ZNF565: variants seen among roughly 807,000 people sequenced by gnomAD.
ZNF565 encodes zinc finger protein 565.
ZNF565 carries 27 observed loss-of-function variants against 39.4 expected under a neutral mutation model. The observed-to-expected ratio is 0.69, with a 90% CI of 0.51 to 0.95. The LOEUF (loss-of-function observed/expected upper bound fraction) is 0.95. Among genes scored for constraint, ZNF565 ranks in the 40% least tolerant of loss-of-function variants. The pLI, the probability that ZNF565 is intolerant of heterozygous loss-of-function variation, is 0.00. For synonymous variants in ZNF565, 185 were observed against 216.6 expected, an observed-to-expected ratio of 0.85 and a Z score of 1.28; for missense variants, 524 against 621.1, an observed-to-expected ratio of 0.84 and a Z score of 1.66.
intron 2 of ZNF565, among the ~76,000 whole-genome samples, chr19:36,196,383 T>C (rs903462223): frequency 3.3e-5 from 5 of 152,030 alleles, no homozygotes; most frequent in African/African-American, 9.7e-5. Context: ...GCCAAGGACA[T>C]TGGAGGAGAT....
intron 1 of ZNF565, chr19:36,237,266 G>T: frequency 6.2e-7 from 1 of 1,613,916 alleles, no homozygotes; most frequent in East Asian, 2.2e-5. Flanking sequence ...ATGTGGGAAA[G>T]CTTTCAGCCA....
At chr19:36,215,063 G>T (rs768390437), upstream of ZNF565, 1 of 152,368 alleles carries the variant, frequency 6.6e-6, no homozygotes, top group Non-Finnish European at 1.5e-5. Flanking sequence ...TGACCGAGGC[G>T]GGCCGCGTCG....
chr19:36,240,763 G>A (rs1217228727), intron 1 of ZNF565, among the ~76,000 whole-genome samples: 1 of 152,094 alleles, frequency 6.6e-6, no homozygotes, highest in Non-Finnish European at 1.5e-5. Context: ...CAGCTACTTG[G>A]GAGGCTGAGG....
At position 36,182,304 on chromosome 19, in the gene ZNF565, A is replaced by G; in HGVS notation, c.*162T>C. The G allele has an allele frequency of 1.9e-6, 1 of 523,500 alleles. No homozygotes were observed. The highest frequency in any genetic ancestry group is 3.1e-5 in the East Asian group (1 of 32,574). The allele number at this position is 523,500 out of a possible 1,614,324, so 32.4% of individuals were successfully genotyped here. ...AGTGAGTGAGGCAAAAAGAATTCCC[A>G]CATTTATTTAATTTTCTTTGGGTGT... is the stretch of plus-strand genomic sequence containing the variant. On this transcript the variant is annotated 3_prime_UTR_variant, in exon 5 of 5. Transcript: ENST00000304116.
intron 1 of ZNF565, among the ~76,000 whole-genome samples, chr19:36,231,597 T>C (rs1977373816): frequency 6.6e-6 from 1 of 152,220 alleles, no homozygotes; most frequent in African/African-American, 2.4e-5. Context: ...TTTACCTGTT[T>C]ATGGGACAGA....
chr19:36,236,340 G>A (rs1456195552), intron 1 of ZNF565: 8 of 1,375,110 alleles, frequency 5.8e-6, no homozygotes, highest in South Asian at 1.5e-5. Flanking sequence ...CCTTATAAAT[G>A]TAAGAGATGT....
chr19:36,220,337 TCTTAGCTCCTAG>T (rs1568429066), intron 1 of ZNF565, among the ~76,000 whole-genome samples: 1 of 115,296 alleles, frequency 8.7e-6, no homozygotes. Flanking sequence ...TTACCTAATT[TCTTAGCTCCTAG>T]TTCTTTTTTT....
Position 36,182,343 on chromosome 19 carries a change from T to TTA in ZNF565, c.*122_*123insTA. ...TTCTTTGGGTGTGAGTTTTCTGATG[T>TTA]TCTATGATGGAAGTGACAGGTGTTT... On this transcript the variant is annotated 3_prime_UTR_variant, in exon 5 of 5. Coordinates refer to ENST00000304116, the MANE Select transcript of ZNF565 (RefSeq NM_152477.5). 1.3e-6 allele frequency: 1 copy of TTA among 759,582 alleles called. No individual in the cohort carries two copies. Among genetic ancestry groups the TTA allele is most frequent in the Non-Finnish European group, 1.9e-6 (1 of 523,958 alleles). The allele number at this position is 759,582 out of a possible 1,614,324, so 47.1% of individuals were successfully genotyped here.
chr19:36,245,100 G>A lies in ZNF565; in HGVS notation c.55+376C>T, dbSNP rs2029886141. ...TGACGTTTTATTTCTTTTGAGTTTA[G>A]GGATCCACAGCCTGAGACCCGGCGA... On this transcript the variant is annotated intron_variant, in intron 1 of 4. Transcript: ENST00000355114. This position sits in a 1 kb window ranked among gnomAD's most constrained non-coding sequence, Gnocchi z 4.4. 6.6e-6 allele frequency among the ~76,000 whole-genome samples: 1 copy of A among 152,140 alleles called. No homozygotes were observed. Among genetic ancestry groups the A allele is most frequent in the Non-Finnish European group, 1.5e-5 (1 of 68,016 alleles).
chr19:36,243,540 A>G (rs897306968), intron 1 of ZNF565, among the ~76,000 whole-genome samples: 10 of 152,148 alleles, frequency 6.6e-5, no homozygotes, highest in South Asian at 4.1e-4. Flanking sequence ...CACGATGACC[A>G]TATGTTTGCT....
chr19:36,236,342 A>G, intron 1 of ZNF565: 1 of 1,386,680 alleles, frequency 7.2e-7, no homozygotes, highest in Non-Finnish European at 9.8e-7. Context: ...TTATAAATGT[A>G]AGAGATGTGG....
chr19:36,216,478 TA>T (rs909051358), upstream of ZNF565, among the ~76,000 whole-genome samples: 21 of 150,762 alleles, frequency 1.4e-4, no homozygotes, highest in East Asian at 3.9e-3. Flanking sequence ...CTGTCTCTAC[TA>T]AAAAAAAATA....
intron 4 of ZNF565, 47 bp from the exon 5 acceptor site, chr19:36,183,780 G>A (rs1020659762): frequency 6.5e-7 from 1 of 1,531,490 alleles, no homozygotes. Context: ...CCTTCTCTAT[G>A]AGAAATAAAA....
At chr19:36,207,065 G>T (rs1460731672) in intron 1 of ZNF565, among the ~76,000 whole-genome samples, 3 of 152,084 alleles carry the variant, frequency 2.0e-5, no homozygotes, top group Admixed American at 1.3e-4. Flanking sequence ...GGCTTTCCTC[G>T]ATCAACAAGA....
intron 1 of ZNF565, among the ~76,000 whole-genome samples, chr19:36,241,478 CTG>C (rs1209754629): frequency 9.2e-6 from 1 of 108,842 alleles, no homozygotes; most frequent in African/African-American, 3.9e-5. Context: ...GAGCAAGACT[CTG>C]TATTAAAAAA....
rs912128964 is a variant in ZNF565, at chr19:36,194,729, C to T, written c.136+301G>A. On this transcript the variant is annotated intron_variant, in intron 3 of 4. Transcript: ENST00000304116. ...ACAGCTCACCGTAAGGACTGCATTA[C>T]CCATGCCCTATGGCTTCTCATTGGC... 9.6e-6 allele frequency: 5 copies of T among 521,570 alleles called. No homozygotes were observed. The East Asian group carries it at 1.8e-4, about 19-fold the overall frequency. 32.3% of individuals were successfully genotyped at this position (521,570 alleles called of 1,614,324 possible).
chr19:36,182,156 A>C (rs1177401186), downstream of ZNF565: 1 of 246,700 alleles, frequency 4.1e-6, no homozygotes, highest in African/African-American at 2.3e-5. Flanking sequence ...CTGGCCACAG[A>C]ATCTTTTAAT....
intron 4 of ZNF565, among the ~76,000 whole-genome samples, chr19:36,186,613 C>G (rs990561586): frequency 1.3e-5 from 2 of 151,860 alleles, no homozygotes; most frequent in African/African-American, 4.8e-5. Context: ...CATGGTGCAA[C>G]CCCATCTCTA....
intron 1 of ZNF565, among the ~76,000 whole-genome samples, chr19:36,213,733 C>T (rs1278189638): frequency 6.8e-6 from 1 of 146,674 alleles, no homozygotes; most frequent in Non-Finnish European, 1.5e-5. Context: ...GTCTCGAACT[C>T]CTGGGCTCAA....
Sources: allele counts gnomAD v4.1 joint callset (sites outside exome capture counted in the v4.1 genomes callset), GRCh38; gene constraint gnomAD v4.1.1; non-coding constraint Gnocchi (gnomAD v3.1); transcripts MANE v1.5; gene names NCBI Gene and HGNC (gene_info 2026-07-23, HGNC 2026-07-21).